The following EXT1 variants were observed in gnomAD, a reference collection of about 807,000 sequenced individuals.
The protein encoded by EXT1 is exostosin-1.
A neutral mutation model predicts 82.5 loss-of-function variants in EXT1; 20 were observed. The ratio of observed to expected loss-of-function variants is 0.24; its 90% CI spans 0.17 to 0.35. The LOEUF (loss-of-function observed/expected upper bound fraction) is 0.35. Among genes scored for constraint, EXT1 ranks in the 10% least tolerant of loss-of-function variants. EXT1 has a pLI of 1.00. For synonymous variants in EXT1, 348 were observed against 350.8 expected, an observed-to-expected ratio of 0.99 and a Z score of 0.09; for missense variants, 757 against 936.5, an observed-to-expected ratio of 0.81 and a Z score of 2.50.
chr8:117,965,211 G>C (rs1409188066), intron 1 of EXT1, among the ~76,000 whole-genome samples: 1 of 151,962 alleles, frequency 6.6e-6, no homozygotes, highest in Non-Finnish European at 1.5e-5. Flanking sequence ...ATAAAACATA[G>C]TATAAATTAT....
intron 3 of EXT1, among the ~76,000 whole-genome samples, chr8:117,835,242 T>C (rs1164111735): frequency 1.3e-5 from 2 of 152,228 alleles, no homozygotes; most frequent in Non-Finnish European, 1.5e-5. Flanking sequence ...CTTTTCAGAA[T>C]ATATTCTGGG....
intron 1 of EXT1, among the ~76,000 whole-genome samples, chr8:118,008,210 G>T (rs9297574): frequency 6.6e-6 from 1 of 151,802 alleles, no homozygotes; most frequent in Non-Finnish European, 1.5e-5. Context: ...GAAGATGATG[G>T]CCACACTGTC....
intron 1 of EXT1, among the ~76,000 whole-genome samples, chr8:117,974,951 T>C (rs1439944232): frequency 1.3e-5 from 2 of 152,212 alleles, no homozygotes; most frequent in African/African-American, 2.4e-5. Flanking sequence ...GCTCCCACCA[T>C]ATAAAATGAT....
At chr8:118,065,506 C>A (rs1338792926) in intron 1 of EXT1, among the ~76,000 whole-genome samples, 1 of 152,136 alleles carries the variant, frequency 6.6e-6, no homozygotes, top group Non-Finnish European at 1.5e-5. Context: ...AAAAAGTTGT[C>A]AATTTTCTTC....
intron 1 of EXT1, among the ~76,000 whole-genome samples, chr8:117,861,536 C>CCACTGCCCTGTTAGT (rs1358676752): frequency 1.2e-3 from 130 of 107,680 alleles, no homozygotes; most frequent in Non-Finnish European, 1.9e-3. Context: ...GCTCTGTCAC[C>CCACTGCCCTGTTAGT]CAGGCTGGAG....
intron 1 of EXT1, among the ~76,000 whole-genome samples, chr8:118,024,846 A>C (rs572852238): frequency 1.3e-5 from 2 of 152,328 alleles, no homozygotes; most frequent in East Asian, 3.9e-4. Flanking sequence ...AGCATGATAA[A>C]ATGGTCATCT....
At chr8:117,896,805 A>G (rs991945850) in intron 1 of EXT1, among the ~76,000 whole-genome samples, 3 of 152,218 alleles carry the variant, frequency 2.0e-5, no homozygotes, top group African/African-American at 7.2e-5. Flanking sequence ...AATTACATTG[A>G]GAGAAAGAAC....
At chr8:117,891,262 G>A (rs1013545701) in intron 1 of EXT1, among the ~76,000 whole-genome samples, 3 of 152,152 alleles carry the variant, frequency 2.0e-5, no homozygotes, top group Non-Finnish European at 4.4e-5. Flanking sequence ...TTGAAGAAGG[G>A]AGCATTTATG....
chr8:117,901,568 CA>C (rs1813448959), intron 1 of EXT1, among the ~76,000 whole-genome samples: 1 of 152,054 alleles, frequency 6.6e-6, no homozygotes, highest in Admixed American at 6.5e-5. Context: ...TTTCTTTTTT[CA>C]ATAATAACTT....
At chr8:117,866,630 G>C (rs917320025) in intron 1 of EXT1, among the ~76,000 whole-genome samples, 2 of 152,122 alleles carry the variant, frequency 1.3e-5, no homozygotes, top group Admixed American at 6.5e-5. Flanking sequence ...CGGAAACCTA[G>C]AATTTTATCC....
At chr8:117,999,846 T>C (rs1256334913) in intron 1 of EXT1, among the ~76,000 whole-genome samples, 1 of 152,174 alleles carries the variant, frequency 6.6e-6, no homozygotes, top group Non-Finnish European at 1.5e-5. Flanking sequence ...AATCATTTTA[T>C]TTTTCATAGT....
intron 1 of EXT1, among the ~76,000 whole-genome samples, chr8:118,033,831 C>T (rs1472055748): frequency 6.6e-6 from 1 of 152,140 alleles, no homozygotes; most frequent in East Asian, 1.9e-4. Context: ...TCTTCTAAGT[C>T]AACTCCAGTT....
rs57888816 is a variant in EXT1 at position 117,915,935 on chromosome 8, T to C, written c.963-78734A>G. 5.2e-3 allele frequency among the ~76,000 whole-genome samples: 797 copies of C among 152,310 alleles called. 12 individuals carry two copies. The highest frequency in any genetic ancestry group is 0.018 in the African/African-American group (765 of 41,574). Reference sequence around the variant, plus strand: ...TGATAAAGTCTGAAATATTCTGTTTTGGCTGAATGTAAAAACTTAAAACTA... The same window carrying C: ...TGATAAAGTCTGAAATATTCTGTTTCGGCTGAATGTAAAAACTTAAAACTA... On this transcript the variant is annotated intron_variant, in intron 1 of 10. Coordinates refer to ENST00000378204, the MANE Select transcript of EXT1 (RefSeq NM_000127.3).
chr8:117,806,930 T>C (rs1201559887), intron 9 of EXT1, among the ~76,000 whole-genome samples: 2 of 152,194 alleles, frequency 1.3e-5, no homozygotes, highest in East Asian at 1.9e-4. Context: ...GTATTTACTT[T>C]TGTTGTTGTT....
chr8:117,899,400 C>T (rs1245753704), intron 1 of EXT1, among the ~76,000 whole-genome samples: 1 of 152,232 alleles, frequency 6.6e-6, no homozygotes, highest in Non-Finnish European at 1.5e-5. Context: ...TAAGAACCAG[C>T]TTCATCTCAG....
intron 1 of EXT1, among the ~76,000 whole-genome samples, chr8:118,032,398 C>A (rs1816341693): frequency 6.6e-6 from 1 of 151,286 alleles, no homozygotes; most frequent in African/African-American, 2.4e-5. Flanking sequence ...TGTTTTAGAA[C>A]AATAAAGATT....
intron 1 of EXT1, among the ~76,000 whole-genome samples, chr8:118,032,966 C>T (rs1026992659): frequency 6.6e-6 from 1 of 152,154 alleles, no homozygotes; most frequent in African/African-American, 2.4e-5. Context: ...TAAAAAAATG[C>T]AGCACAATTT....
At chr8:118,041,721 A>AAG (rs1563637861) in intron 1 of EXT1, among the ~76,000 whole-genome samples, 122 of 111,848 alleles carry the variant, frequency 1.1e-3, no homozygotes, top group African/African-American at 3.8e-3. Flanking sequence ...AAGGAAGGAA[A>AAG]AAGAAAAGGG....
intron 1 of EXT1, among the ~76,000 whole-genome samples, chr8:118,006,675 C>G (rs916197003): frequency 1.3e-5 from 2 of 152,182 alleles, no homozygotes; most frequent in African/African-American, 4.8e-5. Context: ...TCCATCTAAA[C>G]TGTCTGAATC....
Sources: gnomAD v4.1 joint callset for allele counts (sites outside exome capture counted in the v4.1 genomes callset) on GRCh38, gnomAD v4.1.1 for gene constraint, MANE v1.5 for transcripts, NCBI Gene and HGNC (gene_info 2026-07-23, HGNC 2026-07-21) for gene names.